The following PTPRD variants were observed in gnomAD, a reference collection of about 807,000 sequenced individuals.
The protein encoded by PTPRD is receptor-type tyrosine-protein phosphatase delta.
PTPRD carries 34 observed loss-of-function variants against 214.5 expected under a neutral mutation model. That is an observed-to-expected ratio of 0.16 (90% CI 0.12 to 0.21). The LOEUF (loss-of-function observed/expected upper bound fraction) is 0.21, where lower values mean the gene tolerates loss of function less well. PTPRD is among the 10% of genes least tolerant of loss of function. The pLI, the probability that PTPRD is intolerant of heterozygous loss-of-function variation, is 1.00. For synonymous variants in PTPRD, 1,128 were observed against 845.7 expected (o/e 1.33, Z -5.79); for missense variants, 2,545 against 2,398.7 (o/e 1.06, Z -1.27).
At position 8,315,516 on chromosome 9, in the gene PTPRD, T is replaced by C. The variant is rs1022281514; in HGVS notation, c.*2358A>G. The C allele has an allele frequency of 4.3e-6, 1 of 231,964 alleles. No individual in the cohort carries two copies. Among genetic ancestry groups the C allele is most frequent in the African/African-American group, 2.2e-5 (1 of 45,344 alleles). The allele number at this position is 231,964 out of a possible 1,614,324, so 14.4% of individuals were successfully genotyped here. A position where few individuals can be genotyped will look rare whatever the true frequency, so the allele number is the denominator to read the frequency against. On this transcript the variant is annotated 3_prime_UTR_variant, in exon 46 of 46. Transcript: ENST00000381196. ...GCACTTGGATAAATCTCCAAAAAGA[T>C]ACAAACTAAAAGAAAATAATGATAA...
intron 2 of PTPRD, among the ~76,000 whole-genome samples, chr9:10,528,386 T>A (rs886952261): frequency 2.0e-5 from 3 of 152,130 alleles, no homozygotes; most frequent in African/African-American, 7.2e-5. Flanking sequence ...AGTTCACATA[T>A]ATAAATGCTT....
chr9:9,786,752 C>T (rs566095173), intron 5 of PTPRD, among the ~76,000 whole-genome samples: 1 of 152,078 alleles, frequency 6.6e-6, no homozygotes, highest in East Asian at 1.9e-4. Flanking sequence ...TGCACATGTA[C>T]CCTAGAACTT....
chr9:8,611,606 CA>C (rs2095447759), intron 14 of PTPRD, among the ~76,000 whole-genome samples: 1 of 151,550 alleles, frequency 6.6e-6, no homozygotes, highest in Non-Finnish European at 1.5e-5. Context: ...TGGCAGGGGT[CA>C]GGTGGGAGGA....
rs141788393 is a variant in PTPRD, at chr9:9,650,894, A to G, written c.-286-76113T>C. 6.4e-3 allele frequency among the ~76,000 whole-genome samples: 976 copies of G among 152,232 alleles called. 8 individuals are homozygous for G. Among genetic ancestry groups the G allele is most frequent in the African/African-American group, 0.023 (943 of 41,570 alleles). ...ATAAATAATTAGCTAAAATATAAATAAATGTTACATTTATAAATTAAGTAT... is the reference window on the plus strand; with the variant it reads ...ATAAATAATTAGCTAAAATATAAATGAATGTTACATTTATAAATTAAGTAT... On this transcript the variant is annotated intron_variant, in intron 7 of 45. Coordinates refer to ENST00000381196, the MANE Select transcript of PTPRD (RefSeq NM_002839.4).
intron 11 of PTPRD, among the ~76,000 whole-genome samples, chr9:8,774,126 C>G (rs964250797): frequency 2.0e-5 from 3 of 152,132 alleles, no homozygotes; most frequent in African/African-American, 4.8e-5. Flanking sequence ...GATATGTTTC[C>G]TCATTTGTAA....
At chr9:8,929,774 T>C (rs2098934036) in intron 11 of PTPRD, among the ~76,000 whole-genome samples, 1 of 106,538 alleles carries the variant, frequency 9.4e-6, no homozygotes, top group Non-Finnish European at 1.9e-5. Context: ...TATGTGTATA[T>C]ATATGGGTGT....
chr9:8,661,731 T>A (rs1347958023), intron 12 of PTPRD, among the ~76,000 whole-genome samples: 1 of 151,432 alleles, frequency 6.6e-6, no homozygotes, highest in Non-Finnish European at 1.5e-5. Context: ...CACAGTTATT[T>A]CTGTGTTTGT....
At chr9:9,094,425 A>G (rs1279046044) in intron 10 of PTPRD, among the ~76,000 whole-genome samples, 1 of 152,154 alleles carries the variant, frequency 6.6e-6, no homozygotes, top group Admixed American at 6.6e-5. Flanking sequence ...AGGAAAGGAA[A>G]ACCAAAAATC....
At chr9:9,522,422 A>G (rs2097004524) in intron 8 of PTPRD, among the ~76,000 whole-genome samples, 1 of 152,156 alleles carries the variant, frequency 6.6e-6, no homozygotes, top group Non-Finnish European at 1.5e-5. Context: ...TAACCCATTT[A>G]ACCAGATAGA....
chr9:8,929,364 T>A (rs1410742085), intron 11 of PTPRD, among the ~76,000 whole-genome samples: 1 of 152,182 alleles, frequency 6.6e-6, no homozygotes, highest in African/African-American at 2.4e-5. Flanking sequence ...GTACATTCCA[T>A]CAATACCTAG....
In PTPRD at chr9:9,682,924, T is replaced by C. The variant is rs200059448; in HGVS notation, c.-287+51609A>G. ...TCTCTAATAAGGTGGTGATGGGGAATGCCACTGGAAAGAGCTTTAACTGAT... is the reference window on the plus strand; with the variant it reads ...TCTCTAATAAGGTGGTGATGGGGAACGCCACTGGAAAGAGCTTTAACTGAT... On this transcript the variant is annotated intron_variant, in intron 7 of 45. Transcript: ENST00000381196. Among the ~76,000 whole-genome samples, 14 of 151,852 alleles carry C rather than the reference T, an allele frequency of 9.2e-5. No homozygotes were observed. In the East Asian group the frequency reaches 2.3e-3, roughly 25 times the overall value.
intron 8 of PTPRD, among the ~76,000 whole-genome samples, chr9:9,406,020 T>C (rs1276360365): frequency 1.3e-5 from 2 of 152,022 alleles, no homozygotes; most frequent in East Asian, 3.9e-4. Context: ...AAAAATGTAT[T>C]ATTTGGATAA....
intron 8 of PTPRD, among the ~76,000 whole-genome samples, chr9:9,428,114 T>G (rs558225893): frequency 3.9e-5 from 6 of 152,066 alleles, no homozygotes; most frequent in Non-Finnish European, 7.4e-5. Context: ...AAACACAGAC[T>G]GGCAAATTGG....
At position 8,550,142 on chromosome 9, in the gene PTPRD, T is replaced by C. The variant is rs191661099; in HGVS notation, c.353-21363A>G. Among the ~76,000 whole-genome samples the C allele has an allele frequency of 3.0e-3, 458 of 152,262 alleles. 2 individuals carry two copies. The highest frequency in any genetic ancestry group is 9.4e-3 in the African/African-American group (390 of 41,542). ...TTTGAAAAATTTAGGGTCCAATTTA[T>C]ATTATTAGGAAAACAAAAAGTTGTT... On this transcript the variant is annotated intron_variant, in intron 14 of 45. Transcript: ENST00000381196.
chr9:10,517,796 T>C (rs1224418430), intron 2 of PTPRD, among the ~76,000 whole-genome samples: 1 of 152,144 alleles, frequency 6.6e-6, no homozygotes, highest in Non-Finnish European at 1.5e-5. Context: ...TTAATAAATA[T>C]ATTTCTCCAT....
chr9:8,581,913 C>CAAAAAAAAAAAAAAAAAAAAAAAAA (rs36007156), intron 14 of PTPRD, among the ~76,000 whole-genome samples: 3 of 34,964 alleles, frequency 8.6e-5, no homozygotes, highest in Non-Finnish European at 1.1e-4. Flanking sequence ...ACTCAATCTC[C>CAAAAAAAAAAAAAAAAAAAAAAAAA]AAAAAAAAAA....
chr9:8,588,568 T>C (rs2093851337), intron 14 of PTPRD, among the ~76,000 whole-genome samples: 1 of 152,194 alleles, frequency 6.6e-6, no homozygotes, highest in African/African-American at 2.4e-5. Context: ...TATAAATCAA[T>C]TTATAACTAC....
intron 2 of PTPRD, among the ~76,000 whole-genome samples, chr9:10,571,304 A>G (rs2067350547): frequency 6.6e-6 from 1 of 152,198 alleles, no homozygotes; most frequent in Admixed American, 6.5e-5. Context: ...AAAAACTGAT[A>G]CCACAGCCCT....
chr9:9,554,046 T>G (rs2080948122), intron 8 of PTPRD, among the ~76,000 whole-genome samples: 1 of 152,080 alleles, frequency 6.6e-6, no homozygotes, highest in Non-Finnish European at 1.5e-5. Flanking sequence ...ATGAACATTT[T>G]ATTATGGATG....
Sources: gnomAD v4.1 joint callset for allele counts (sites outside exome capture counted in the v4.1 genomes callset) on GRCh38, gnomAD v4.1.1 for gene constraint, MANE v1.5 for transcripts, NCBI Gene and HGNC (gene_info 2026-07-23, HGNC 2026-07-21) for gene names.